RANBP9: variants seen among roughly 807,000 people sequenced by gnomAD.
RANBP9 encodes the protein ran-binding protein 9.
Under a neutral mutation model 84.3 loss-of-function variants are expected in RANBP9, and 15 were observed. The ratio of observed to expected loss-of-function variants is 0.18; its 90% CI spans 0.12 to 0.27. The LOEUF is 0.27. RANBP9 is among the 10% of genes least tolerant of loss of function. RANBP9 has a pLI of 1.00. For synonymous variants in RANBP9, 392 were observed against 349.6 expected, an observed-to-expected ratio of 1.12 and a Z score of -1.35; for missense variants, 809 against 912.8, an observed-to-expected ratio of 0.89 and a Z score of 1.46.
intron 12 of RANBP9, among the ~76,000 whole-genome samples, chr6:13,629,915 CTCTCTCGTGTGTGT>C (rs1015208051): frequency 7.9e-6 from 1 of 126,228 alleles, no homozygotes; most frequent in African/African-American, 3.0e-5. Context: ...CTCTCTCTCT[CTCTCTCGTGTGTGT>C]GTGTGTGTGT....
At chr6:13,666,760 AAAC>A (rs375520211) in intron 2 of RANBP9, among the ~76,000 whole-genome samples, 16 of 151,990 alleles carry the variant, frequency 1.1e-4, no homozygotes, top group African/African-American at 3.4e-4. Flanking sequence ...CCTTGTCTCA[AAAC>A]AACAACAACA....
intron 2 of RANBP9, among the ~76,000 whole-genome samples, chr6:13,667,086 GTGTTT>G (rs1253649945): frequency 2.0e-5 from 3 of 152,132 alleles, no homozygotes; most frequent in Non-Finnish European, 4.4e-5. Context: ...GTGGTACTAT[GTGTTT>G]ACCAAGAGCA....
At chr6:13,666,929 G>A (rs1235918934) in intron 2 of RANBP9, among the ~76,000 whole-genome samples, 1 of 152,120 alleles carries the variant, frequency 6.6e-6, no homozygotes, top group African/African-American at 2.4e-5. Flanking sequence ...AGGGAAATTT[G>A]TAATACCAGT....
intron 4 of RANBP9, among the ~76,000 whole-genome samples, chr6:13,656,474 A>G (rs1197942713): frequency 6.6e-6 from 1 of 152,166 alleles, no homozygotes; most frequent in Non-Finnish European, 1.5e-5. Flanking sequence ...CTATGAGTAC[A>G]TGAATAGTCC....
chr6:13,634,317 G>C, intron 11 of RANBP9, 114 bp downstream of exon 11: 1 of 1,300,766 alleles, frequency 7.7e-7, no homozygotes. Context: ...AAGTCCTACA[G>C]CACATACATC....
intron 2 of RANBP9, among the ~76,000 whole-genome samples, chr6:13,665,928 G>A (rs916443532): frequency 4.6e-5 from 7 of 152,118 alleles, no homozygotes; most frequent in Non-Finnish European, 1.0e-4. Context: ...ATCTAAGGTA[G>A]TAAACAAGTC....
At chr6:13,698,276 A>T (rs1757888247) in intron 1 of RANBP9, among the ~76,000 whole-genome samples, 1 of 152,202 alleles carries the variant, frequency 6.6e-6, no homozygotes, top group African/African-American at 2.4e-5. Flanking sequence ...TAGGCAAGAC[A>T]AAAATGGAAG....
chr6:13,670,041 G>A (rs1054183206), intron 2 of RANBP9, among the ~76,000 whole-genome samples: 15 of 152,004 alleles, frequency 9.9e-5, no homozygotes, highest in African/African-American at 2.7e-4. Flanking sequence ...TATAATCCCC[G>A]CGCTTTGAAA....
At chr6:13,700,229 A>G (rs1757932900) in intron 1 of RANBP9, among the ~76,000 whole-genome samples, 1 of 152,230 alleles carries the variant, frequency 6.6e-6, no homozygotes, top group African/African-American at 2.4e-5. Context: ...GCCAACATGC[A>G]GCCAGCCAGT....
At chr6:13,627,611 C>CAG (rs923901738) in intron 12 of RANBP9, among the ~76,000 whole-genome samples, 1 of 117,622 alleles carries the variant, frequency 8.5e-6, no homozygotes, top group Non-Finnish European at 1.6e-5. Flanking sequence ...GCATGGACGA[C>CAG]AGAGAGAGAC....
chr6:13,678,041 C>A (rs1765936644), intron 2 of RANBP9, among the ~76,000 whole-genome samples: 1 of 152,228 alleles, frequency 6.6e-6, no homozygotes, highest in South Asian at 2.1e-4. Context: ...ATCACTAAGT[C>A]CAGGAGTTCA....
At position 13,666,600 on chromosome 6, in the gene RANBP9, C is replaced by CAAAAAA. The variant is rs70989878; in HGVS notation, c.684-7774_684-7769dup. 8.2e-4 allele frequency among the ~76,000 whole-genome samples: 36 copies of CAAAAAA among 43,694 alleles called. 1 individual carries two copies. Among genetic ancestry groups the CAAAAAA allele is most frequent in the South Asian group, 2.6e-3 (2 of 780 alleles). The allele number at this position is 43,694 out of a possible 152,430, so 28.7% of individuals were successfully genotyped here. A position where few individuals can be genotyped will look rare whatever the true frequency, so the allele number is the denominator to read the frequency against. ...AGACCAGCCTGGGACCCCGTCTCTCCAAAAAAAAAAAAAAAAAAAAAAAAA... is the reference window on the plus strand; with the variant it reads ...AGACCAGCCTGGGACCCCGTCTCTCCAAAAAAAAAAAAAAAAAAAAAAAAAAAAAAA... On this transcript the variant is annotated intron_variant, in intron 2 of 13. Transcript: ENST00000011619.
At chr6:13,691,754 C>T (rs1766326980) in intron 2 of RANBP9, among the ~76,000 whole-genome samples, 1 of 152,098 alleles carries the variant, frequency 6.6e-6, no homozygotes, top group Admixed American at 6.5e-5. Context: ...CAACCTCTGC[C>T]TCCTGTGTTC....
chr6:13,687,544 T>A (rs527658226), intron 2 of RANBP9, among the ~76,000 whole-genome samples: 1 of 152,212 alleles, frequency 6.6e-6, no homozygotes, highest in Non-Finnish European at 1.5e-5. Flanking sequence ...CACATCACTA[T>A]CCATTTAATC....
At chr6:13,650,003 A>G (rs1765260744) in intron 5 of RANBP9, among the ~76,000 whole-genome samples, 5 of 152,250 alleles carry the variant, frequency 3.3e-5, no homozygotes, top group Admixed American at 2.0e-4. Context: ...TTTTGTTACT[A>G]TTATTTTGGG....
chr6:13,693,561 A>G (rs1296969831), intron 2 of RANBP9, among the ~76,000 whole-genome samples: 1 of 152,114 alleles, frequency 6.6e-6, no homozygotes, highest in African/African-American at 2.4e-5. Flanking sequence ...AGCCTGGGCA[A>G]CATGGTGAAA....
chr6:13,701,501 G>A (rs1439537867), intron 1 of RANBP9, among the ~76,000 whole-genome samples: 4 of 152,084 alleles, frequency 2.6e-5, no homozygotes, highest in South Asian at 4.1e-4. Context: ...AGCTGGGTGC[G>A]GTGGCTCACA....
chr6:13,655,101 T>C (rs1464542803), intron 4 of RANBP9, among the ~76,000 whole-genome samples: 1 of 152,266 alleles, frequency 6.6e-6, no homozygotes, highest in Non-Finnish European at 1.5e-5. Flanking sequence ...TACTAACCAC[T>C]GTTATACCAT....
At chr6:13,625,525 T>C (rs1021594661) in intron 13 of RANBP9, 128 bp downstream of exon 13, 32 of 542,526 alleles carry the variant, frequency 5.9e-5, no homozygotes, top group African/African-American at 5.5e-4. Flanking sequence ...TTTAGGTATT[T>C]TTATATTTTA....
Sources: gnomAD v4.1 joint callset for allele counts (sites outside exome capture counted in the v4.1 genomes callset) on GRCh38, gnomAD v4.1.1 for gene constraint, MANE v1.5 for transcripts, NCBI Gene and HGNC (gene_info 2026-07-23, HGNC 2026-07-21) for gene names.